MYOCOS: variants seen among roughly 807,000 people sequenced by gnomAD.
MYOCOS encodes myocilin opposite strand protein.
chr1:171,614,021 A>T (rs1237392861), intron 1 of MYOCOS, among the ~76,000 whole-genome samples: 1 of 152,192 alleles, frequency 6.6e-6, no homozygotes, highest in Non-Finnish European at 1.5e-5. Context: ...TATAATTAGT[A>T]GTTCCCCTGA....
intron 1 of MYOCOS, among the ~76,000 whole-genome samples, chr1:171,608,255 G>A (rs1166817048): frequency 6.6e-6 from 1 of 152,080 alleles, no homozygotes. Context: ...CTGCCCTTGA[G>A]ATCAAACCAT....
At chr1:171,624,508 C>T (rs1354234905) in intron 2 of MYOCOS, among the ~76,000 whole-genome samples, 3 of 151,812 alleles carry the variant, frequency 2.0e-5, no homozygotes, top group African/African-American at 7.3e-5. Flanking sequence ...GCAATCTTGG[C>T]TCACTGCAAG....
In MYOCOS at chr1:171,612,129, T is replaced by C. The variant is rs550188601; in HGVS notation, c.-251-2669T>C. Among the ~76,000 whole-genome samples the C allele has an allele frequency of 1.3e-4, 20 of 152,092 alleles. No individual in the cohort carries two copies. In the East Asian group the frequency reaches 3.9e-3, roughly 30 times the overall value. ...TTCTATAGCCCAGGCTGGAGTGCAG[T>C]GCAGTGGTGCAATCTCGGCTCACTG... is the stretch of plus-strand genomic sequence containing the variant. On this transcript the variant is annotated intron_variant, in intron 1 of 3. Transcript: ENST00000636697.
chr1:171,623,144 C>A (rs1652606519), intron 1 of MYOCOS, among the ~76,000 whole-genome samples: 1 of 152,062 alleles, frequency 6.6e-6, no homozygotes, highest in Admixed American at 6.5e-5. Flanking sequence ...CTGCAGTGAA[C>A]CGAGACAGCT....
chr1:171,621,691 TATC>T (rs1652579904), upstream of MYOCOS, among the ~76,000 whole-genome samples: 1 of 152,006 alleles, frequency 6.6e-6, no homozygotes. Flanking sequence ...GTGGTTTTAT[TATC>T]ATGTAAAGAA....
chr1:171,601,654 A>C (rs1572200249), intron 1 of MYOCOS, among the ~76,000 whole-genome samples: 2 of 152,290 alleles, frequency 1.3e-5, no homozygotes, highest in Admixed American at 1.3e-4. Flanking sequence ...TGGCCATCAG[A>C]AGGAAGCCTA....
In MYOCOS at chr1:171,626,555, C is replaced by G. The variant is rs1450595201; in HGVS notation, c.197C>G (p.Pro66Arg). 1.3e-5 allele frequency: 5 copies of G among 398,684 alleles called. No individual in the cohort carries two copies. 24.7% of individuals were successfully genotyped at this position (398,684 alleles called of 1,614,324 possible). ...PPPHRTYLTV[P>R]PAPPPSPAED... ...CCTCACAGGACCTACCTCACAGTAC[C>G]TCCTGCCCCACCTCCTTCTCCAGCT... The change falls in exon 3 of 3, where the codon CCT becomes CGT. Residue 66 changes from proline to arginine, a missense_variant. Coordinates refer to ENST00000637642, the MANE Select transcript of MYOCOS (RefSeq NM_001391940.1).
chr1:171,621,094 G>A (rs1014784223), upstream of MYOCOS, among the ~76,000 whole-genome samples: 2 of 151,914 alleles, frequency 1.3e-5, no homozygotes, highest in African/African-American at 4.8e-5. Context: ...AAATGTATTT[G>A]ACTGATGTCT....
At chr1:171,624,580 G>T (rs1026273264) in intron 2 of MYOCOS, among the ~76,000 whole-genome samples, 1 of 151,832 alleles carries the variant, frequency 6.6e-6, no homozygotes, top group Non-Finnish European at 1.5e-5. Flanking sequence ...GGGACCACAG[G>T]CGCCCGCCAC....
intron 1 of MYOCOS, among the ~76,000 whole-genome samples, chr1:171,608,543 G>A (rs571943800): frequency 1.1e-3 from 162 of 145,932 alleles, no homozygotes; most frequent in African/African-American, 3.5e-3. Flanking sequence ...TCAGCCTCCC[G>A]AGTAGCTGGG....
intron 1 of MYOCOS, among the ~76,000 whole-genome samples, chr1:171,611,489 G>A (rs1211387658): frequency 6.6e-6 from 1 of 152,164 alleles, no homozygotes; most frequent in East Asian, 1.9e-4. Flanking sequence ...CAGGAACTTT[G>A]TGTAAAACTT....
intron 1 of MYOCOS, among the ~76,000 whole-genome samples, chr1:171,614,445 T>A (rs1163784516): frequency 6.6e-6 from 1 of 152,188 alleles, no homozygotes; most frequent in Non-Finnish European, 1.5e-5. Flanking sequence ...TACTGGCACC[T>A]CTGCAGCTGG....
chr1:171,610,035 G>C (rs1210854851), intron 1 of MYOCOS, among the ~76,000 whole-genome samples: 1 of 152,222 alleles, frequency 6.6e-6, no homozygotes, highest in Non-Finnish European at 1.5e-5. Flanking sequence ...CTCACGTTAT[G>C]ACATCTGGCT....
chr1:171,620,331 CATA>C (rs1464870844), upstream of MYOCOS, among the ~76,000 whole-genome samples: 1 of 151,968 alleles, frequency 6.6e-6, no homozygotes, highest in Non-Finnish European at 1.5e-5. Flanking sequence ...CTGACTCTGG[CATA>C]ATATTATGAG....
chr1:171,605,101 A>G (rs1652219038), intron 1 of MYOCOS, among the ~76,000 whole-genome samples: 3 of 151,312 alleles, frequency 2.0e-5, no homozygotes, highest in Admixed American at 2.0e-4. Flanking sequence ...TTTTTTTGCA[A>G]TTAGCCGAGC....
At chr1:171,620,440 G>T (rs1010953359), upstream of MYOCOS, among the ~76,000 whole-genome samples, 4 of 152,110 alleles carry the variant, frequency 2.6e-5, no homozygotes, top group Admixed American at 6.6e-5. Flanking sequence ...GGGCAAATTT[G>T]CATCTGTAAA....
intron 2 of MYOCOS, among the ~76,000 whole-genome samples, chr1:171,624,707 A>G (rs1652658613): frequency 6.6e-6 from 1 of 151,972 alleles, no homozygotes; most frequent in African/African-American, 2.4e-5. Context: ...TCGGCCTCCC[A>G]AAGTGCTGGG....
At chr1:171,616,012 G>T (rs1040435797) in intron 2 of MYOCOS, among the ~76,000 whole-genome samples, 1 of 152,132 alleles carries the variant, frequency 6.6e-6, no homozygotes, top group African/African-American at 2.4e-5. Context: ...GAGGTCAGGA[G>T]TTCAAGACCA....
chr1:171,605,666 C>T lies in MYOCOS; in HGVS notation c.-252+4586C>T, dbSNP rs532793763. Among the ~76,000 whole-genome samples, 576 of 152,066 alleles carry T rather than the reference C, an allele frequency of 3.8e-3. 4 individuals carry two copies. Among genetic ancestry groups the T allele is most frequent in the South Asian group, 6.2e-3 (30 of 4,810 alleles). On this transcript the variant is annotated intron_variant, in intron 1 of 3. Transcript: ENST00000636697. Reference sequence around the variant, plus strand: ...TCTAGGCTTCCCAGTCTATGCTTCCCGCGGAAAACGAAGCATAGCCATAAG... The same window carrying T: ...TCTAGGCTTCCCAGTCTATGCTTCCTGCGGAAAACGAAGCATAGCCATAAG...
Sources: gnomAD v4.1 joint callset for allele counts (sites outside exome capture counted in the v4.1 genomes callset) on GRCh38, gnomAD v4.1.1 for gene constraint, MANE v1.5 for transcripts, NCBI Gene and HGNC (gene_info 2026-07-23, HGNC 2026-07-21) for gene names.